CEP290: variants seen among roughly 807,000 people sequenced by gnomAD.
CEP290 encodes centrosomal protein 290, also known as centrosomal protein of 290 kDa.
Under a neutral mutation model 344.9 loss-of-function variants are expected in CEP290, and 317 were observed. That is an observed-to-expected ratio of 0.92 (90% CI 0.84 to 1.01). CEP290 has a LOEUF of 1.01. Among genes scored for constraint, CEP290 ranks in the 50% least tolerant of loss-of-function variants. CEP290 has a pLI of 0.00. For missense variants in CEP290, 2,754 were observed against 2,761.4 expected, an observed-to-expected ratio of 1.00 and a Z score of 0.06; for synonymous variants, 932 against 895.8, an observed-to-expected ratio of 1.04 and a Z score of -0.72.
At chr12:88,066,425 G>A (rs930673709) in intron 44 of CEP290, among the ~76,000 whole-genome samples, 12 of 147,598 alleles carry the variant, frequency 8.1e-5, no homozygotes, top group Non-Finnish European at 1.2e-4. Context: ...TCTGCCTCCC[G>A]AGTAGCTAGG....
chr12:88,114,523 C>A lies in CEP290; in HGVS notation c.1949G>T (p.Gly650Val). The A allele has an allele frequency of 6.5e-7, 1 of 1,540,814 alleles. No individual in the cohort carries two copies. Among genetic ancestry groups the A allele is most frequent in the Non-Finnish European group, 8.7e-7 (1 of 1,142,858 alleles). Residue 650 changes from glycine (G) to valine (V), a missense_variant, in exon 20 of 54, where the codon GGT becomes GTT. By Grantham distance (109) the Gly-to-Val change is moderately radical. Coordinates refer to ENST00000552810, the MANE Select transcript of CEP290 (RefSeq NM_025114.4). ...AATTGCTTGCAATATTTCTTTCATACCTTCTTCAAGTTGCTTATTTTCTTC... is the reference window on the plus strand; with the variant it reads ...AATTGCTTGCAATATTTCTTTCATAACTTCTTCAAGTTGCTTATTTTCTTC... The part of the protein sequence containing the change: ...LVEENKQLEE[G>V]MKEILQAIKE...
chr12:88,111,861 A>G lies in CEP290; in HGVS notation c.2053-3T>C, dbSNP rs753841091. 1.7e-5 allele frequency: 26 copies of G among 1,543,800 alleles called. No homozygotes were observed. The highest frequency in any genetic ancestry group is 2.0e-5 in the Non-Finnish European group (23 of 1,146,274). On this transcript the variant is annotated splice_region_variant and splice_polypyrimidine_tract_variant and intron_variant, in intron 20 of 53. Coordinates refer to ENST00000552810, the MANE Select transcript of CEP290 (RefSeq NM_025114.4). ...TCTGCATTCTTTGATTCTATAGCCT[A>G]GCAAATTTATATTATATATTAGAAA...
chr12:88,073,005 T>C (rs1390398518), intron 41 of CEP290, among the ~76,000 whole-genome samples: 1 of 152,184 alleles, frequency 6.6e-6, no homozygotes, highest in Non-Finnish European at 1.5e-5. Flanking sequence ...TTATTATAAC[T>C]ATGATAAAGG....
chr12:88,102,849 C>T lies in CEP290; in HGVS notation c.2980G>A (p.Glu994Lys), dbSNP rs182369459. The T allele has an allele frequency of 3.4e-3, 5,427 of 1,609,320 alleles. 13 individuals carry two copies. The highest frequency in any genetic ancestry group is 4.2e-3 in the Non-Finnish European group (4,993 of 1,177,958). Residue 994 changes from glutamate (E) to lysine (K), a missense_variant, in exon 26 of 54, where the codon GAA (glutamate) becomes AAA (lysine). Glu to Lys is a moderately conservative substitution (Grantham distance 56, BLOSUM62 1). Coordinates refer to ENST00000552810, the MANE Select transcript of CEP290 (RefSeq NM_025114.4). ...NMLVQRTSNL[E>K]HLECENISLK... ...TCACACAAACTTACCTCCAGGTGTT[C>T]CAAGTTACTTGTTCTTTGAACAAGC... is the stretch of plus-strand genomic sequence containing the variant.
At position 88,079,089 on chromosome 12, in the gene CEP290, C is replaced by T. The variant is rs747450920; in HGVS notation, c.5364+3G>A. 2.5e-5 allele frequency: 39 copies of T among 1,554,356 alleles called. No homozygotes were observed. The South Asian group carries it at 4.5e-4, about 18-fold the overall frequency. On this transcript the variant is annotated splice_donor_region_variant and intron_variant, in intron 39 of 53. Coordinates refer to ENST00000552810, the MANE Select transcript of CEP290 (RefSeq NM_025114.4). ...TGTTACATTAACACGTGTTGATGTT[C>T]ACCTTTAGCTCTCTAGTATGTCGAT...
chr12:88,107,512 A>AAC (rs1313334774), intron 23 of CEP290, among the ~76,000 whole-genome samples: 2 of 152,136 alleles, frequency 1.3e-5, no homozygotes, highest in Non-Finnish European at 2.9e-5. Flanking sequence ...TTTGAATACA[A>AAC]ACACATCTTA....
intron 41 of CEP290, among the ~76,000 whole-genome samples, chr12:88,075,074 G>A (rs1049674220): frequency 6.6e-6 from 1 of 152,146 alleles, no homozygotes; most frequent in Non-Finnish European, 1.5e-5. Flanking sequence ...TGATTTGATC[G>A]AAGTAAGATA....
At chr12:88,052,514 T>C (rs1054507272) in intron 52 of CEP290, among the ~76,000 whole-genome samples, 2 of 152,158 alleles carry the variant, frequency 1.3e-5, no homozygotes, top group Admixed American at 6.6e-5. Flanking sequence ...CAAGAAAATA[T>C]ATATACGTAA....
chr12:88,063,330 T>C (rs1307982331), intron 45 of CEP290, among the ~76,000 whole-genome samples: 1 of 151,770 alleles, frequency 6.6e-6, no homozygotes, highest in Non-Finnish European at 1.5e-5. Context: ...AAAAAAAGAT[T>C]CCCATAAATA....
chr12:88,089,957 C>T (rs987195595), intron 30 of CEP290, among the ~76,000 whole-genome samples: 2 of 151,958 alleles, frequency 1.3e-5, no homozygotes, highest in Non-Finnish European at 2.9e-5. Flanking sequence ...GAACTCCTGA[C>T]CTCGTGATCC....
At chr12:88,114,622 T>A (rs2038928490) in intron 19 of CEP290, 60 bp from the exon 20 acceptor site, 24 of 1,292,110 alleles carry the variant, frequency 1.9e-5, no homozygotes, top group Non-Finnish European at 2.4e-5. Context: ...TACACTATGC[T>A]ATACAGATGA....
At chr12:88,118,407 AG>A in intron 17 of CEP290, 75 bp downstream of exon 17, 1 of 1,186,364 alleles carries the variant, frequency 8.4e-7, no homozygotes, top group Admixed American at 2.4e-5. Flanking sequence ...AAAACAGCTA[AG>A]ACACAAATAA....
chr12:88,114,599 C>CT (rs1193157475), intron 19 of CEP290, 37 bp from the exon 20 acceptor site: 1 of 1,489,604 alleles, frequency 6.7e-7, no homozygotes, highest in South Asian at 1.3e-5. Flanking sequence ...ATGATCAGAT[C>CT]TTTTTCACAA....
In CEP290 at chr12:88,093,666, T is replaced by C. The variant is rs1330818660; in HGVS notation, c.3309+104A>G. 6.4e-6 allele frequency: 5 copies of C among 784,298 alleles called. No homozygotes were observed. The African/African-American group carries it at 6.9e-5, about 11-fold the overall frequency. 48.6% of individuals were successfully genotyped at this position (784,298 alleles called of 1,614,324 possible). A position where few individuals can be genotyped will look rare whatever the true frequency, so the allele number is the denominator to read the frequency against. ...ACACAAAACATAGGCACTATATTAA[T>C]AAGATATTTCAGAGATCCAGACAAA... On this transcript the variant is annotated intron_variant, in intron 28 of 53. Transcript: ENST00000552810.
At chr12:88,126,570 T>A in intron 11 of CEP290, 132 bp from the exon 12 acceptor site, 1 of 549,584 alleles carries the variant, frequency 1.8e-6, no homozygotes, top group Non-Finnish European at 2.9e-6. Flanking sequence ...TGAGAAAGTA[T>A]GAGCAACTAC....
At chr12:88,128,610 T>G (rs1209651860) in intron 11 of CEP290, among the ~76,000 whole-genome samples, 1 of 152,142 alleles carries the variant, frequency 6.6e-6, no homozygotes, top group Non-Finnish European at 1.5e-5. Flanking sequence ...ACTATTTAAC[T>G]AATGTATATA....
In CEP290 at chr12:88,089,308, A is replaced by C; in HGVS notation, c.3753T>G (p.Tyr1251Ter). The stretch of plus-strand genomic sequence containing the variant: ...CTCTGTTTCTTCCCTCCAAACGAGC[A>C]TAATAGAGAGCCTGTTCTTTTTCAT... Reference protein sequence around the residue: ...KLDEKEQALYYARLEGRNRAK... With the variant: ...KLDEKEQALY Residue 1251 changes from tyrosine (Y) to a stop codon, truncating the protein, a stop_gained, in exon 31 of 54, where the codon TAT becomes TAG. Transcript: ENST00000552810. LOFTEE classifies it high-confidence loss of function. 6.2e-7 allele frequency: 1 copy of C among 1,614,002 alleles called. No individual in the cohort carries two copies. The highest frequency in any genetic ancestry group is 8.5e-7 in the Non-Finnish European group (1 of 1,179,892).
At chr12:88,094,266 G>A (rs955836500) in intron 27 of CEP290, among the ~76,000 whole-genome samples, 2 of 151,800 alleles carry the variant, frequency 1.3e-5, no homozygotes, top group Admixed American at 1.3e-4. Context: ...TAGTGTAGAA[G>A]TGTCACATAT....
chr12:88,110,450 T>A (rs375665526), intron 22 of CEP290, among the ~76,000 whole-genome samples: 16 of 151,992 alleles, frequency 1.1e-4, no homozygotes, highest in African/African-American at 3.9e-4. Flanking sequence ...GTGGCTCACG[T>A]CTGTAACCCT....
Sources: gnomAD v4.1 joint callset for allele counts (sites outside exome capture counted in the v4.1 genomes callset) on GRCh38, gnomAD v4.1.1 for gene constraint, MANE v1.5 for transcripts, NCBI Gene and HGNC (gene_info 2026-07-23, HGNC 2026-07-21) for gene names.